Variants in SLC16A9 observed in about 807,000 individuals in gnomAD.
The protein encoded by SLC16A9 is solute carrier family 16 member 9, also known as monocarboxylate transporter 9.
SLC16A9 carries 26 observed loss-of-function variants against 44.3 expected under a neutral mutation model. That is an observed-to-expected ratio of 0.59 (90% CI 0.43 to 0.81). The LOEUF is 0.81. Ranked by LOEUF, SLC16A9 falls within the 40% of genes least tolerant of loss-of-function variation. The probability of loss-of-function intolerance (pLI) is 0.00; values close to 1 mark genes in which losing one functional copy is unlikely to be tolerated. For missense variants in SLC16A9, 559 were observed against 595.8 expected (o/e 0.94, Z 0.64); for synonymous variants, 230 against 225.1 (o/e 1.02, Z -0.19).
chr10:59,699,812 C>T (rs965022764), intron 1 of SLC16A9, among the ~76,000 whole-genome samples: 3 of 151,710 alleles, frequency 2.0e-5, no homozygotes, highest in Non-Finnish European at 4.4e-5. Context: ...AGAACATCCT[C>T]GACTCTCCTC....
intron 1 of SLC16A9, among the ~76,000 whole-genome samples, chr10:59,702,446 A>G (rs1172203636): frequency 6.6e-6 from 1 of 152,198 alleles, no homozygotes; most frequent in African/African-American, 2.4e-5. Flanking sequence ...GGGCTAGGAC[A>G]AGGGCAAATC....
At chr10:59,669,768 C>T (rs12252459) in intron 3 of SLC16A9, among the ~76,000 whole-genome samples, 4,595 of 151,176 alleles carry the variant, frequency 0.03, 222 homozygotes, top group African/African-American at 0.1. Flanking sequence ...ACCCATGAGG[C>T]GGAGGTTGCA....
chr10:59,706,630 T>C (rs202110577), intron 1 of SLC16A9, among the ~76,000 whole-genome samples: 4 of 145,928 alleles, frequency 2.7e-5, no homozygotes, highest in South Asian at 2.2e-4. Flanking sequence ...AGAAATGTGA[T>C]ACACACACAC....
chr10:59,684,445 T>C (rs1195367743), intron 1 of SLC16A9, 118 bp from the exon 2 acceptor site: 2 of 488,622 alleles, frequency 4.1e-6, no homozygotes, highest in South Asian at 5.3e-5. Flanking sequence ...AAGACATACA[T>C]GGAAAAGCAT....
At chr10:59,690,544 C>T (rs1840230797) in intron 1 of SLC16A9, among the ~76,000 whole-genome samples, 1 of 151,996 alleles carries the variant, frequency 6.6e-6, no homozygotes, top group Admixed American at 6.6e-5. Context: ...AGAAGGGCGG[C>T]CAAGGCAAGA....
rs756420720 is a variant in SLC16A9, at chr10:59,654,478, G to C, written c.548C>G (p.Ala183Gly). 1 of 1,612,624 alleles carries C rather than the reference G, an allele frequency of 6.2e-7. No individual in the cohort carries two copies. The highest frequency in any genetic ancestry group is 8.5e-7 in the Non-Finnish European group (1 of 1,180,032). Residue 183 changes from alanine (A) to glycine (G), a missense_variant, in exon 5 of 6, where the codon GCC becomes GGC. By Grantham distance (60) the Ala-to-Gly change is moderately conservative (BLOSUM62 0). Coordinates refer to ENST00000395348, the MANE Select transcript of SLC16A9 (RefSeq NM_194298.3). ...GAGGGGTCTCATCAGACTGCCACAGGCTAATATATTTAAAGCTAAAGCACC... is the reference window on the plus strand; with the variant it reads ...GAGGGGTCTCATCAGACTGCCACAGCCTAATATATTTAAAGCTAAAGCACC... ...IVGALALNIL[A>G]CGSLMRPLQS...
intron 4 of SLC16A9, among the ~76,000 whole-genome samples, chr10:59,659,630 C>T (rs1215562425): frequency 6.6e-6 from 1 of 152,130 alleles, no homozygotes; most frequent in African/African-American, 2.4e-5. Flanking sequence ...GACTTGAACT[C>T]AGCTCTGGAC....
At chr10:59,705,263 G>GA (rs137995536) in intron 1 of SLC16A9, among the ~76,000 whole-genome samples, 1,705 of 146,012 alleles carry the variant, frequency 0.012, 35 homozygotes, top group African/African-American at 0.039. Flanking sequence ...AAGATGCAAA[G>GA]AAAAAAAAAA....
rs149688860 is a variant in SLC16A9, at chr10:59,691,667, C to T, written c.-36-7340G>A. Among the ~76,000 whole-genome samples, 343 of 152,278 alleles carry T rather than the reference C, an allele frequency of 2.3e-3. 3 individuals carry two copies. Among genetic ancestry groups the T allele is most frequent in the African/African-American group, 7.8e-3 (325 of 41,576 alleles). On this transcript the variant is annotated intron_variant, in intron 1 of 5. Coordinates refer to ENST00000395348, the MANE Select transcript of SLC16A9 (RefSeq NM_194298.3). ...AAGGAGAGTTGGCAAGTTCTAATCC[C>T]TTCCTTCGGGAAACGAAAAAGACTA...
intron 4 of SLC16A9, among the ~76,000 whole-genome samples, chr10:59,656,018 C>T (rs1191230095): frequency 3.3e-5 from 5 of 152,090 alleles, no homozygotes; most frequent in African/African-American, 4.8e-5. Context: ...AAAGTTAACC[C>T]CTTCATTCCC....
chr10:59,660,304 A>C (rs1035356689), intron 4 of SLC16A9, among the ~76,000 whole-genome samples: 5 of 152,198 alleles, frequency 3.3e-5, no homozygotes, highest in Admixed American at 6.5e-5. Context: ...ACACAATAAA[A>C]AATGATAAAG....
intron 1 of SLC16A9, among the ~76,000 whole-genome samples, chr10:59,702,952 C>G (rs577748822): frequency 6.6e-5 from 10 of 152,238 alleles, no homozygotes; most frequent in South Asian, 4.2e-4. Context: ...CACCATCAGC[C>G]AAGCCTATAA....
intron 4 of SLC16A9, among the ~76,000 whole-genome samples, chr10:59,657,105 T>C (rs1813343827): frequency 6.6e-6 from 1 of 152,272 alleles, no homozygotes; most frequent in East Asian, 1.9e-4. Context: ...AGATAATCCA[T>C]AAAAAAATGA....
Position 59,652,969 on chromosome 10 carries a change from A to T in SLC16A9, c.1352-19T>A. ...AACCAACCTGAAAAGGCAGTAAGAAAAAAAGTAAGTTTCATGGAAATAGTA... is the reference window on the plus strand; with the variant it reads ...AACCAACCTGAAAAGGCAGTAAGAATAAAAGTAAGTTTCATGGAAATAGTA... On this transcript the variant is annotated intron_variant, in intron 5 of 5. Coordinates refer to ENST00000395348, the MANE Select transcript of SLC16A9 (RefSeq NM_194298.3). 1 of 1,588,340 alleles carries T rather than the reference A, an allele frequency of 6.3e-7. No homozygotes were observed. The highest frequency in any genetic ancestry group is 8.5e-7 in the Non-Finnish European group (1 of 1,169,646).
chr10:59,697,005 C>T (rs1201601129), intron 1 of SLC16A9, among the ~76,000 whole-genome samples: 1 of 105,522 alleles, frequency 9.5e-6, no homozygotes, highest in African/African-American at 3.2e-5. Context: ...CCCGCCCGGC[C>T]AGCCGCCCCG....
At chr10:59,698,738 T>A (rs1477754059) in intron 1 of SLC16A9, among the ~76,000 whole-genome samples, 1 of 151,670 alleles carries the variant, frequency 6.6e-6, no homozygotes, top group African/African-American at 2.4e-5. Context: ...CTCTCTTTTT[T>A]TTTTTTTCTT....
chr10:59,703,556 T>C (rs1283069812), intron 1 of SLC16A9, among the ~76,000 whole-genome samples: 5 of 152,186 alleles, frequency 3.3e-5, no homozygotes, highest in Non-Finnish European at 5.9e-5. Flanking sequence ...GGGAAGAAAT[T>C]GGCTATATAG....
intron 4 of SLC16A9, among the ~76,000 whole-genome samples, chr10:59,663,663 T>A (rs1473279296): frequency 1.3e-5 from 2 of 152,012 alleles, no homozygotes; most frequent in Non-Finnish European, 2.9e-5. Flanking sequence ...ATGTAGATCA[T>A]GGGTTGATGG....
At chr10:59,666,325 CA>C (rs1048235487) in intron 3 of SLC16A9, among the ~76,000 whole-genome samples, 2 of 150,312 alleles carry the variant, frequency 1.3e-5, no homozygotes, top group African/African-American at 4.9e-5. Flanking sequence ...GAAAAGAAAG[CA>C]AAAGGTGGCA....
Sources: gnomAD v4.1 joint callset for allele counts (sites outside exome capture counted in the v4.1 genomes callset) on GRCh38, gnomAD v4.1.1 for gene constraint, MANE v1.5 for transcripts, NCBI Gene and HGNC (gene_info 2026-07-23, HGNC 2026-07-21) for gene names.